The following TMEM179 variants were observed in gnomAD, a reference collection of about 807,000 sequenced individuals.
TMEM179 encodes transmembrane protein 179A.
TMEM179 carries 17 observed loss-of-function variants against 22.2 expected under a neutral mutation model. The ratio of observed to expected loss-of-function variants is 0.77; its 90% CI spans 0.52 to 1.15. The LOEUF (loss-of-function observed/expected upper bound fraction) is 1.15, where lower values mean the gene tolerates loss of function less well. TMEM179 is among the 50% of genes most tolerant of loss of function. TMEM179 has a pLI of 0.00. For synonymous variants in TMEM179, 127 were observed against 140.5 expected, an observed-to-expected ratio of 0.90 and a Z score of 0.68; for missense variants, 265 against 313.6, an observed-to-expected ratio of 0.84 and a Z score of 1.17.
chr14:104,591,453 G>T lies in TMEM179; in HGVS notation c.*2026C>A. The T allele has an allele frequency of 2.2e-6, 1 of 455,764 alleles. No individual in the cohort carries two copies. Among genetic ancestry groups the T allele is most frequent in the Non-Finnish European group, 4.4e-6 (1 of 226,632 alleles). 28.2% of individuals were successfully genotyped at this position (455,764 alleles called of 1,614,324 possible). The stretch of plus-strand genomic sequence containing the variant: ...CCCCATGTCCAGTGGGTCAGGGCTG[G>T]AAGGGGAGACAGGGGACCCCATCAG... On this transcript the variant is annotated 3_prime_UTR_variant, in exon 4 of 4. Coordinates refer to ENST00000556573, the MANE Select transcript of TMEM179 (RefSeq NM_001286389.2).
chr14:104,597,219 G>C lies in TMEM179; in HGVS notation c.306-92C>G, dbSNP rs1596297817. The C allele has an allele frequency of 1.4e-6, 2 of 1,478,416 alleles. No homozygotes were observed. Among genetic ancestry groups the C allele is most frequent in the African/African-American group, 1.4e-5 (1 of 71,464 alleles). 91.6% of individuals were successfully genotyped at this position (1,478,416 alleles called of 1,614,324 possible). On this transcript the variant is annotated intron_variant, in intron 1 of 3. Coordinates refer to ENST00000556573, the MANE Select transcript of TMEM179 (RefSeq NM_001286389.2). The surrounding 1 kb of genome is among the most constrained non-coding windows in gnomAD (Gnocchi z 4.8). Reference sequence around the variant, plus strand: ...CTGCAGCCAGAAACAGGAGGGGCAGGCTCACTGGACGCCATCTCCTGGGCA... The same window carrying C: ...CTGCAGCCAGAAACAGGAGGGGCAGCCTCACTGGACGCCATCTCCTGGGCA...
intron 1 of TMEM179, among the ~76,000 whole-genome samples, chr14:104,601,965 G>C (rs902566234): frequency 6.6e-6 from 1 of 152,190 alleles, no homozygotes; most frequent in African/African-American, 2.4e-5. Context: ...CAGGGCTGCA[G>C]CAGAGGCCAC....
chr14:104,601,847 C>T (rs1425070442), intron 1 of TMEM179, among the ~76,000 whole-genome samples: 1 of 152,122 alleles, frequency 6.6e-6, no homozygotes, highest in Non-Finnish European at 1.5e-5. Flanking sequence ...CCATGGTGAG[C>T]CTCCACAATG....
chr14:104,595,185 C>G lies in TMEM179; in HGVS notation c.502G>C (p.Asp168His), dbSNP rs1343248254. The part of the protein sequence containing the change: ...ELGVDNSAFY[D>H]QFAIAQFGLW... ...CCTACCTGGGCAATTGCAAACTGATCGTAGAAGGCGGAGTTGTCCACGCCC... is the reference window on the plus strand; with the variant it reads ...CCTACCTGGGCAATTGCAAACTGATGGTAGAAGGCGGAGTTGTCCACGCCC... The change falls in exon 3 of 4, where the codon GAT (aspartate) becomes CAT (histidine). Residue 168 changes from aspartate to histidine, a missense_variant. Coordinates refer to ENST00000556573, the MANE Select transcript of TMEM179 (RefSeq NM_001286389.2). This position sits in a 1 kb window ranked among gnomAD's most constrained non-coding sequence, Gnocchi z 5.7. 2 of 1,613,766 alleles carry G rather than the reference C, an allele frequency of 1.2e-6. No homozygotes were observed. The highest frequency in any genetic ancestry group is 1.7e-6 in the Non-Finnish European group (2 of 1,179,962).
At position 104,591,209 on chromosome 14, in the gene TMEM179, G is replaced by A. The variant is rs1886834001; in HGVS notation, c.*2270C>T. ...GGATTTCCATCACCCTGGCCATGGG[G>A]CTGTTCCACACCTGCTCCTGGGATC... On this transcript the variant is annotated 3_prime_UTR_variant, in exon 4 of 4. Coordinates refer to ENST00000556573, the MANE Select transcript of TMEM179 (RefSeq NM_001286389.2). 5.5e-6 allele frequency: 2 copies of A among 365,786 alleles called. No homozygotes were observed. Among genetic ancestry groups the A allele is most frequent in the Non-Finnish European group, 1.1e-5 (2 of 186,152 alleles). The allele number at this position is 365,786 out of a possible 1,614,324, so 22.7% of individuals were successfully genotyped here.
chr14:104,602,083 AAGG>A (rs368664594), intron 1 of TMEM179, among the ~76,000 whole-genome samples: 82 of 152,262 alleles, frequency 5.4e-4, no homozygotes, highest in African/African-American at 1.9e-3. Flanking sequence ...CTGCCTTTGG[AAGG>A]AGATGGTGCT....
intron 1 of TMEM179, among the ~76,000 whole-genome samples, chr14:104,600,633 T>C (rs553049536): frequency 6.6e-6 from 1 of 152,324 alleles, no homozygotes; most frequent in East Asian, 1.9e-4. Context: ...CATTCATTCA[T>C]TCATTCACTC....
In TMEM179 at chr14:104,591,946, C is replaced by A; in HGVS notation, c.*1533G>T. On this transcript the variant is annotated 3_prime_UTR_variant, in exon 4 of 4. Transcript: ENST00000556573. ...GTGGACCCTGGGCTTTCCTGAGGGGCAGGGTCCACAGCCAAGCAGCCCCCT... is the reference window on the plus strand; with the variant it reads ...GTGGACCCTGGGCTTTCCTGAGGGGAAGGGTCCACAGCCAAGCAGCCCCCT... 1 of 163,356 alleles carries A rather than the reference C, an allele frequency of 6.1e-6. No homozygotes were observed. Among genetic ancestry groups the A allele is most frequent in the Non-Finnish European group, 1.3e-5 (1 of 74,244 alleles). 10.1% of individuals were successfully genotyped at this position (163,356 alleles called of 1,614,324 possible).
rs1282156590 is a variant in TMEM179, at chr14:104,597,487, A to C, written c.306-360T>G. 2.0e-5 allele frequency among the ~76,000 whole-genome samples: 3 copies of C among 152,164 alleles called. No homozygotes were observed. The East Asian group carries it at 5.8e-4, about 29-fold the overall frequency. The stretch of plus-strand genomic sequence containing the variant: ...CCAAAGCCGTCCAGCCACAGTCACC[A>C]GCAACTCTGGCCCAGGTGCTTGTGT... On this transcript the variant is annotated intron_variant, in intron 1 of 3. Transcript: ENST00000556573. This position sits in a 1 kb window ranked among gnomAD's most constrained non-coding sequence, Gnocchi z 4.8.
intron 1 of TMEM179, among the ~76,000 whole-genome samples, chr14:104,598,206 C>G (rs951410854): frequency 6.6e-6 from 1 of 152,140 alleles, no homozygotes; most frequent in African/African-American, 2.4e-5. Context: ...CACACGGAGG[C>G]TCCGGGGGGT....
chr14:104,597,670 G>A lies in TMEM179; in HGVS notation c.306-543C>T, dbSNP rs1887082104. On this transcript the variant is annotated intron_variant, in intron 1 of 3. Transcript: ENST00000556573. This position sits in a 1 kb window ranked among gnomAD's most constrained non-coding sequence, Gnocchi z 4.8. ...CCCAGCAGATAACGACACAGCAAGA[G>A]GAACGGGCCCTCAGCAGGCATCGAA... Among the ~76,000 whole-genome samples, 1 of 152,138 alleles carries A rather than the reference G, an allele frequency of 6.6e-6. No homozygotes were observed. The highest frequency in any genetic ancestry group is 2.4e-5 in the African/African-American group (1 of 41,418).
At chr14:104,596,625 G>C (rs1328435174) in intron 2 of TMEM179, among the ~76,000 whole-genome samples, 1 of 152,154 alleles carries the variant, frequency 6.6e-6, no homozygotes, top group African/African-American at 2.4e-5. Flanking sequence ...GCCACACCGA[G>C]CCTCCCAGGA....
Position 104,604,619 on chromosome 14 carries a change from G to A in TMEM179, c.123C>T (p.Leu41=). The change falls in exon 1 of 4, where the codon CTC becomes CTT. Residue 41 remains leucine, a synonymous_variant. Coordinates refer to ENST00000556573, the MANE Select transcript of TMEM179 (RefSeq NM_001286389.2). The surrounding 1 kb of genome is among the most constrained non-coding windows in gnomAD (Gnocchi z 4.6). ...CGCTCAGCCACATGCCCTCGGTGAA[G>A]AGCAGGCAGCGGCCGCGGAAGTCGT... ...NGHDFRGRCL[L]FTEGMWLSAN... The A allele has an allele frequency of 1.3e-6, 2 of 1,573,088 alleles. No individual in the cohort carries two copies. The highest frequency in any genetic ancestry group is 1.8e-5 in the Admixed American group (1 of 55,252).
Position 104,595,596 on chromosome 14 carries a change from G to A in TMEM179, c.444-353C>T, listed in dbSNP as rs573044244. Among the ~76,000 whole-genome samples the A allele has an allele frequency of 2.9e-4, 44 of 149,922 alleles. No homozygotes were observed. The highest frequency in any genetic ancestry group is 9.6e-4 in the African/African-American group (39 of 40,738). ...CTCCCTGTCCTGACCCAGGACGGCC[G>A]GAAGACGCCAGCTCAGCCTCTGCTT... On this transcript the variant is annotated intron_variant, in intron 2 of 3. Coordinates refer to ENST00000556573, the MANE Select transcript of TMEM179 (RefSeq NM_001286389.2). This position sits in a 1 kb window ranked among gnomAD's most constrained non-coding sequence, Gnocchi z 5.7.
At position 104,604,471 on chromosome 14, in the gene TMEM179, G is replaced by C; in HGVS notation, c.271C>G (p.Arg91Gly). Residue 91 changes from arginine (R) to glycine (G), a missense_variant, in exon 1 of 4, where the codon CGC becomes GGC. Transcript: ENST00000556573. This position sits in a 1 kb window ranked among gnomAD's most constrained non-coding sequence, Gnocchi z 4.6. ...CCCTTGCAGAGGAAGAAGAGCGTGC[G>C]CCAGGCGTGCGCGGCGGCCAGCAGC... is the stretch of plus-strand genomic sequence containing the variant. ...SLLLAAAHAW[R>G]TLFFLCKGHE... 6.3e-7 allele frequency: 1 copy of C among 1,581,666 alleles called. No homozygotes were observed.
chr14:104,602,751 A>G (rs1453942809), intron 1 of TMEM179, among the ~76,000 whole-genome samples: 1 of 152,088 alleles, frequency 6.6e-6, no homozygotes, highest in African/African-American at 2.4e-5. Flanking sequence ...CAGCCACACA[A>G]TTTGGGCCCA....
rs1319528352 is a variant in TMEM179 at position 104,591,223 on chromosome 14, GC to G, written c.*2255del. 1 of 374,592 alleles carries G rather than the reference GC, an allele frequency of 2.7e-6. No homozygotes were observed. The highest frequency in any genetic ancestry group is 5.2e-6 in the Non-Finnish European group (1 of 190,938). The allele number at this position is 374,592 out of a possible 1,614,324, so 23.2% of individuals were successfully genotyped here. ...CTGGCCATGGGGCTGTTCCACACCT[GC>G]TCCTGGGATCCAGCAGTGCAGCCCC... On this transcript the variant is annotated 3_prime_UTR_variant, in exon 4 of 4. Coordinates refer to ENST00000556573, the MANE Select transcript of TMEM179 (RefSeq NM_001286389.2).
At position 104,604,517 on chromosome 14, in the gene TMEM179, C is replaced by A; in HGVS notation, c.225G>T (p.Leu75=). 1 of 1,563,136 alleles carries A rather than the reference C, an allele frequency of 6.4e-7. No homozygotes were observed. ...WGPPAACRFS[L]LASLLSLLLA... is the part of the protein sequence containing the mutation. ...GCAGCAGAGACAGGAGGCTGGCGAG[C>A]AGGCTGAAGCGGCAGGCGGCCGGCG... is the stretch of plus-strand genomic sequence containing the variant. Residue 75 remains leucine (L), a synonymous_variant, in exon 1 of 4, where the codon CTG becomes CTT. Coordinates refer to ENST00000556573, the MANE Select transcript of TMEM179 (RefSeq NM_001286389.2). This position sits in a 1 kb window ranked among gnomAD's most constrained non-coding sequence, Gnocchi z 4.6.
Position 104,591,907 on chromosome 14 carries a change from C to T in TMEM179, c.*1572G>A, listed in dbSNP as rs1019731239. 48 of 177,410 alleles carry T rather than the reference C, an allele frequency of 2.7e-4. No individual in the cohort carries two copies. Among genetic ancestry groups the T allele is most frequent in the Middle Eastern group, 5.2e-3 (2 of 384 alleles). 11.0% of individuals were successfully genotyped at this position (177,410 alleles called of 1,614,324 possible). On this transcript the variant is annotated 3_prime_UTR_variant, in exon 4 of 4. Transcript: ENST00000556573. ...CCCCGCCTCCGCCCCCGCCCCAGAA[C>T]GAGTCCTCTGGAGGTGGACCCTGGG... is the stretch of plus-strand genomic sequence containing the variant.
Sources: gnomAD v4.1 joint callset for allele counts (sites outside exome capture counted in the v4.1 genomes callset) on GRCh38, gnomAD v4.1.1 for gene constraint, Gnocchi (gnomAD v3.1) non-coding constraint, MANE v1.5 for transcripts, NCBI Gene and HGNC (gene_info 2026-07-23, HGNC 2026-07-21) for gene names.